The following RNF213 variants were observed in gnomAD, a reference collection of about 807,000 sequenced individuals.
RNF213 encodes ring finger protein 213.
Under a neutral mutation model 514.4 loss-of-function variants are expected in RNF213, and 341 were observed. That is an observed-to-expected ratio of 0.66 (90% CI 0.61 to 0.73). The LOEUF (loss-of-function observed/expected upper bound fraction) is 0.73. RNF213 is among the 30% of genes least tolerant of loss of function. The pLI is 0.00. For missense variants in RNF213, 5,767 were observed against 6,615.6 expected, an observed-to-expected ratio of 0.87 and a Z score of 4.45; for synonymous variants, 2,655 against 2,658.2, an observed-to-expected ratio of 1.00 and a Z score of 0.04.
intron 15 of RNF213, 51 bp downstream of exon 15, chr17:80,313,218 C>T (rs1040989293): frequency 1.1e-5 from 18 of 1,608,674 alleles, no homozygotes; most frequent in Admixed American, 5.0e-5. Context: ...GATCGTGATT[C>T]CTCATGGCCT....
chr17:80,366,190 CG>C (rs2079265181), intron 42 of RNF213, among the ~76,000 whole-genome samples: 1 of 152,172 alleles, frequency 6.6e-6, no homozygotes, highest in Non-Finnish European at 1.5e-5. Context: ...AAGTTGTCGA[CG>C]GAACTGCTGC....
At chr17:80,296,933 C>T (rs1019706339) in intron 10 of RNF213, among the ~76,000 whole-genome samples, 1 of 151,860 alleles carries the variant, frequency 6.6e-6, no homozygotes, top group East Asian at 2.0e-4. Context: ...CCTGCCTCGA[C>T]CTCCCAAAGT....
chr17:80,350,713 C>T (rs555911704), intron 31 of RNF213, among the ~76,000 whole-genome samples: 12 of 152,310 alleles, frequency 7.9e-5, no homozygotes, highest in African/African-American at 2.6e-4. Context: ...GTGGGAGGAT[C>T]GCTTGAGCCT....
chr17:80,308,184 C>T (rs113098281), intron 13 of RNF213, among the ~76,000 whole-genome samples: 4 of 152,132 alleles, frequency 2.6e-5, no homozygotes, highest in South Asian at 2.1e-4. Flanking sequence ...GTTCTCTGAG[C>T]GGCTCGGGCA....
chr17:80,369,391 T>TC, intron 44 of RNF213, 111 bp from the exon 45 acceptor site: 1 of 1,020,464 alleles, frequency 9.8e-7, no homozygotes, highest in Non-Finnish European at 1.5e-6. Flanking sequence ...AGAGTGAAAC[T>TC]CCGTCTCAAA....
intron 46 of RNF213, 198 bp from the exon 47 acceptor site, chr17:80,371,676 G>A: frequency 2.0e-6 from 1 of 496,772 alleles, no homozygotes; most frequent in South Asian, 2.5e-5. Context: ...AGGACAGCTG[G>A]TCTAAAATGT....
intron 3 of RNF213, among the ~76,000 whole-genome samples, chr17:80,277,861 G>C (rs2044125915): frequency 6.6e-6 from 1 of 152,230 alleles, no homozygotes; most frequent in African/African-American, 2.4e-5. Flanking sequence ...CCCAGAAGCT[G>C]AGACAGCGAG....
At position 80,376,940 on chromosome 17, in the gene RNF213, G is replaced by T. The variant is rs749259167; in HGVS notation, c.13487G>T (p.Gly4496Val). Residue 4496 changes from glycine (G) to valine (V), a missense_variant, in exon 53 of 68, where the codon GGT (glycine) becomes GTT (valine). Gly to Val is a moderately radical substitution (Grantham distance 109). Coordinates refer to ENST00000582970, the MANE Select transcript of RNF213 (RefSeq NM_001256071.3). ...DLLAQARRWK[G>V]LERVHWYTCP... ...CTGGCTCAAGCTCGGAGGTGGAAGG[G>T]TCTGGAGCGAGTCCACTGGTACAGT... The T allele has an allele frequency of 6.2e-7, 1 of 1,614,040 alleles. No homozygotes were observed. Among genetic ancestry groups the T allele is most frequent in the Non-Finnish European group, 8.5e-7 (1 of 1,179,956 alleles).
intron 46 of RNF213, chr17:80,371,558 A>G (rs988016252): frequency 5.3e-6 from 1 of 187,460 alleles, no homozygotes; most frequent in African/African-American, 2.4e-5. Context: ...TTTGTTTTTA[A>G]TGTCTCATAA....
intron 2 of RNF213, among the ~76,000 whole-genome samples, chr17:80,272,981 G>T (rs1336202352): frequency 6.6e-6 from 1 of 152,134 alleles, no homozygotes; most frequent in African/African-American, 2.4e-5. Context: ...CGTGGACATT[G>T]GGAGGAAGAG....
At position 80,358,954 on chromosome 17, in the gene RNF213, T is replaced by C. The variant is rs370157580; in HGVS notation, c.11054+475T>C. On this transcript the variant is annotated intron_variant, in intron 37 of 67. Transcript: ENST00000582970. ...TACGAAGCTCTGAGAAATTTCTGTT[T>C]TATCTCCACCCTCCTCATTTCCCTG... Among the ~76,000 whole-genome samples the C allele has an allele frequency of 8.5e-5, 13 of 152,266 alleles. No homozygotes were observed. In the East Asian group the frequency reaches 9.7e-4, roughly 11 times the overall value.
rs2079795995 is a variant in RNF213, at chr17:80,377,186, A to AAGGCCCTC, written c.13510+224_13510+231dup. On this transcript the variant is annotated intron_variant, in intron 53 of 67. Coordinates refer to ENST00000582970, the MANE Select transcript of RNF213 (RefSeq NM_001256071.3). The surrounding 1 kb of genome is among the most constrained non-coding windows in gnomAD (Gnocchi z 4.1). ...CATTTCATTTCTTTGTCGTGTGGAA[A>AAGGCCCTC]AGGCCCTCTGTGATGCACTTCTGTT... 1 of 569,976 alleles carries AAGGCCCTC rather than the reference A, an allele frequency of 1.8e-6. No homozygotes were observed. 35.3% of individuals were successfully genotyped at this position (569,976 alleles called of 1,614,324 possible).
chr17:80,284,512 C>A (rs1285382745), intron 3 of RNF213, among the ~76,000 whole-genome samples: 1 of 151,964 alleles, frequency 6.6e-6, no homozygotes, highest in Non-Finnish European at 1.5e-5. Context: ...CCACTGCACT[C>A]CAGCCTGGGT....
intron 26 of RNF213, chr17:80,340,794 TTTTTTTG>T (rs552154591): frequency 1.4e-3 from 230 of 164,698 alleles, no homozygotes; most frequent in African/African-American, 4.7e-3. Flanking sequence ...CTAATTTATT[TTTTTTTG>T]TTTTTTGTTT....
Position 80,346,302 on chromosome 17 carries a change from C to T in RNF213, c.7967C>T (p.Ala2656Val), listed in dbSNP as rs369553481. Residue 2656 changes from alanine to valine, a missense_variant, in exon 29 of 68, where the codon GCG becomes GTG. Ala to Val is a moderately conservative substitution (Grantham distance 64). Transcript: ENST00000582970. The surrounding 1 kb of genome is among the most constrained non-coding windows in gnomAD (Gnocchi z 8.1). ...TTCAGGTGGTTCCACGAGCACAGCG[C>T]GATGCTCTTAGCGCAGCTGAATGCC... ...KVFRWFHEHS[A>V]MLLAQLNAFL... The T allele has an allele frequency of 3.1e-6, 5 of 1,614,060 alleles. No homozygotes were observed. Among genetic ancestry groups the T allele is most frequent in the Admixed American group, 3.3e-5 (2 of 60,010 alleles).
At position 80,271,074 on chromosome 17, in the gene RNF213, T is replaced by G. The variant is rs114736392; in HGVS notation, c.98-2167T>G. On this transcript the variant is annotated intron_variant, in intron 2 of 67. Coordinates refer to ENST00000582970, the MANE Select transcript of RNF213 (RefSeq NM_001256071.3). ...AGGGTAAATATCGGCCCTGATTGGA[T>G]TAGGCTAGTCAGGGCCCGCCCCTGG... is the stretch of plus-strand genomic sequence containing the variant. 5.9e-3 allele frequency among the ~76,000 whole-genome samples: 900 copies of G among 152,124 alleles called. 14 individuals carry two copies. The highest frequency in any genetic ancestry group is 0.021 in the African/African-American group (859 of 41,490).
chr17:80,284,503 C>T (rs998191691), intron 3 of RNF213, among the ~76,000 whole-genome samples: 11 of 151,924 alleles, frequency 7.2e-5, no homozygotes, highest in African/African-American at 2.4e-5. Flanking sequence ...GAGATTGTGC[C>T]ACTGCACTCC....
chr17:80,315,758 CAGTGGTGATGCT>C (rs2045905972), intron 15 of RNF213: 12 of 86,102 alleles, frequency 1.4e-4, no homozygotes, highest in South Asian at 3.4e-4. Context: ...GTGGAGGTGA[CAGTGGTGATGCT>C]GGTGGTGGTG....
intron 61 of RNF213, 87 bp downstream of exon 61, chr17:80,385,708 TG>T: frequency 1.8e-6 from 2 of 1,093,354 alleles, no homozygotes; most frequent in South Asian, 2.6e-5. Flanking sequence ...GGCCCATCCC[TG>T]TCAACACCCA....
Sources: gnomAD v4.1 joint callset for allele counts (sites outside exome capture counted in the v4.1 genomes callset) on GRCh38, gnomAD v4.1.1 for gene constraint, Gnocchi (gnomAD v3.1) non-coding constraint, MANE v1.5 for transcripts, NCBI Gene and HGNC (gene_info 2026-07-23, HGNC 2026-07-21) for gene names.